ACVR2A: variants seen among roughly 807,000 people sequenced by gnomAD.
ACVR2A encodes the protein activin A receptor type 2A, also known as activin receptor type-2A.
In ACVR2A, 7 loss-of-function variants were observed where a neutral mutation model predicts 61.4. The observed-to-expected ratio is 0.11, with a 90% CI of 0.06 to 0.21. ACVR2A has a LOEUF of 0.21. ACVR2A is among the 10% of genes least tolerant of loss of function. The probability of loss-of-function intolerance (pLI) is 1.00; values close to 1 mark genes in which losing one functional copy is unlikely to be tolerated. For synonymous variants in ACVR2A, 193 were observed against 208.3 expected, an observed-to-expected ratio of 0.93 and a Z score of 0.63; for missense variants, 322 against 621.7, an observed-to-expected ratio of 0.52 and a Z score of 5.13.
intron 1 of ACVR2A, among the ~76,000 whole-genome samples, chr2:147,880,566 T>C (rs1317240367): frequency 6.6e-6 from 1 of 152,194 alleles, no homozygotes; most frequent in African/African-American, 2.4e-5. Context: ...CTGTCTTACC[T>C]TGCAGGATAA....
chr2:147,901,891 G>T (rs1196313157), intron 4 of ACVR2A, among the ~76,000 whole-genome samples: 2 of 151,962 alleles, frequency 1.3e-5, no homozygotes, highest in East Asian at 3.9e-4. Context: ...TTGCTGAGAG[G>T]TTTATGCAAA....
At chr2:147,874,702 T>G (rs998119883) in intron 1 of ACVR2A, among the ~76,000 whole-genome samples, 11 of 151,976 alleles carry the variant, frequency 7.2e-5, no homozygotes, top group African/African-American at 2.4e-4. Flanking sequence ...AATGGATGAT[T>G]CTAAGATCTG....
At position 147,885,567 on chromosome 2, in the gene ACVR2A, AC is replaced by A. The variant is rs1321296219; in HGVS notation, c.56-10732del. Among the ~76,000 whole-genome samples the A allele has an allele frequency of 6.6e-5, 10 of 152,262 alleles. No individual in the cohort carries two copies. The East Asian group carries it at 1.9e-3, about 29-fold the overall frequency. On this transcript the variant is annotated intron_variant, in intron 1 of 10. Transcript: ENST00000241416. ...TATGTACCTGTAGCACAATTAAAAA[AC>A]CAACCATCTTAGAATCATGTGAATG...
chr2:147,926,170 T>A lies in ACVR2A; in HGVS notation c.1347+9T>A. Reference sequence around the variant, plus strand: ...ATTGGCAGAAACATGCTGTAAGTTATCCAGTTAGCTTTTCATTTGAAATTC... The same window carrying A: ...ATTGGCAGAAACATGCTGTAAGTTAACCAGTTAGCTTTTCATTTGAAATTC... On this transcript the variant is annotated intron_variant, in intron 10 of 10. Transcript: ENST00000241416. 1 of 1,598,710 alleles carries A rather than the reference T, an allele frequency of 6.3e-7. No individual in the cohort carries two copies. The highest frequency in any genetic ancestry group is 8.5e-7 in the Non-Finnish European group (1 of 1,174,656).
chr2:147,915,115 C>A (rs1045364165), intron 4 of ACVR2A, 76 bp from the exon 5 acceptor site: 3 of 1,410,346 alleles, frequency 2.1e-6, no homozygotes, highest in East Asian at 2.3e-5. Context: ...TCAGTATACT[C>A]ACTTTTTTTC....
intron 1 of ACVR2A, among the ~76,000 whole-genome samples, chr2:147,846,322 C>T (rs1685313067): frequency 6.6e-6 from 1 of 150,916 alleles, no homozygotes; most frequent in South Asian, 2.1e-4. Context: ...ATGGCCATGT[C>T]TTTATCTCGT....
At chr2:147,883,587 A>G (rs1293139278) in intron 1 of ACVR2A, among the ~76,000 whole-genome samples, 1 of 152,168 alleles carries the variant, frequency 6.6e-6, no homozygotes, top group Non-Finnish European at 1.5e-5. Flanking sequence ...TTGCTTCTTA[A>G]AAGTTGAAGC....
At chr2:147,915,081 T>C (rs1027230813) in intron 4 of ACVR2A, 110 bp from the exon 5 acceptor site, 42 of 979,462 alleles carry the variant, frequency 4.3e-5, no homozygotes, top group Non-Finnish European at 6.0e-5. Context: ...TCATATGTGT[T>C]TACTGTTTCT....
At chr2:147,917,228 G>T (rs3764955) in intron 5 of ACVR2A, 55 bp from the exon 6 acceptor site, 4 of 1,542,978 alleles carry the variant, frequency 2.6e-6, no homozygotes, top group Middle Eastern at 1.7e-4. Context: ...TCTTATGCAT[G>T]GTTTATTAAA....
intron 1 of ACVR2A, among the ~76,000 whole-genome samples, chr2:147,880,585 A>G (rs1053429976): frequency 8.5e-5 from 13 of 152,130 alleles, no homozygotes; most frequent in African/African-American, 3.1e-4. Flanking sequence ...AAATTAGAAT[A>G]GGCCTTAGTT....
intron 1 of ACVR2A, among the ~76,000 whole-genome samples, chr2:147,870,071 C>T (rs566946159): frequency 1.8e-4 from 20 of 114,270 alleles, no homozygotes; most frequent in African/African-American, 6.7e-4. Context: ...TATGGGAGGA[C>T]GTATGAGGAG....
intron 1 of ACVR2A, among the ~76,000 whole-genome samples, chr2:147,876,873 C>A (rs887212295): frequency 5.3e-5 from 8 of 152,160 alleles, no homozygotes; most frequent in African/African-American, 1.9e-4. Context: ...CTGATAGACA[C>A]AGTTGTTCCT....
chr2:147,904,318 C>T (rs1558809178), intron 4 of ACVR2A, among the ~76,000 whole-genome samples: 2 of 151,974 alleles, frequency 1.3e-5, no homozygotes, highest in East Asian at 1.9e-4. Flanking sequence ...AGAGTTAATG[C>T]AGTTTCAGTA....
chr2:147,855,432 G>C (rs74904664), intron 1 of ACVR2A, among the ~76,000 whole-genome samples: 87 of 152,302 alleles, frequency 5.7e-4, no homozygotes, highest in Middle Eastern at 3.4e-3. Context: ...GTGAAGCAAA[G>C]AGTTTTAAGG....
intron 1 of ACVR2A, among the ~76,000 whole-genome samples, chr2:147,857,318 T>G (rs1236093091): frequency 6.6e-6 from 1 of 152,056 alleles, no homozygotes; most frequent in Non-Finnish European, 1.5e-5. Context: ...CAGTCCTCAA[T>G]TAGACAGTAT....
intron 1 of ACVR2A, among the ~76,000 whole-genome samples, chr2:147,854,765 G>C (rs1239123612): frequency 6.6e-6 from 1 of 152,156 alleles, no homozygotes; most frequent in Non-Finnish European, 1.5e-5. Flanking sequence ...AAAGTAAGTA[G>C]TCAAATGAAC....
At chr2:147,866,361 A>G (rs1413320001) in intron 1 of ACVR2A, among the ~76,000 whole-genome samples, 1 of 152,188 alleles carries the variant, frequency 6.6e-6, no homozygotes, top group Non-Finnish European at 1.5e-5. Context: ...AGATATTGTT[A>G]AAATGTAGAT....
chr2:147,873,397 T>G (rs916969184), intron 1 of ACVR2A, among the ~76,000 whole-genome samples: 1 of 151,840 alleles, frequency 6.6e-6, no homozygotes, highest in Non-Finnish European at 1.5e-5. Flanking sequence ...TTAATGTGGG[T>G]TTTTTTGGTG....
At chr2:147,868,979 G>GT (rs1255320589) in intron 1 of ACVR2A, among the ~76,000 whole-genome samples, 5 of 151,742 alleles carry the variant, frequency 3.3e-5, no homozygotes, top group East Asian at 3.9e-4. Context: ...GTTTTGTTTT[G>GT]TTTTTTCAGT....
Sources: allele counts gnomAD v4.1 joint callset (sites outside exome capture counted in the v4.1 genomes callset), GRCh38; gene constraint gnomAD v4.1.1; transcripts MANE v1.5; gene names NCBI Gene and HGNC (gene_info 2026-07-23, HGNC 2026-07-21).